Variants in MPPED1 observed in about 807,000 individuals in gnomAD.
The protein encoded by MPPED1 is metallophosphoesterase domain-containing protein 1.
A neutral mutation model predicts 36.2 loss-of-function variants in MPPED1; 16 were observed. That is an observed-to-expected ratio of 0.44 (90% CI 0.30 to 0.67). MPPED1 has a LOEUF of 0.67. Among genes scored for constraint, MPPED1 ranks in the 30% least tolerant of loss-of-function variants. The pLI, the probability that MPPED1 is intolerant of heterozygous loss-of-function variation, is 0.10. For synonymous variants in MPPED1, 199 were observed against 191.3 expected, an observed-to-expected ratio of 1.04 and a Z score of -0.33; for missense variants, 307 against 453.4, an observed-to-expected ratio of 0.68 and a Z score of 2.93.
chr22:43,487,268 C>T (rs1026658384), intron 4 of MPPED1, among the ~76,000 whole-genome samples: 5 of 151,958 alleles, frequency 3.3e-5, no homozygotes, highest in South Asian at 2.1e-4. Flanking sequence ...AAATACGGGT[C>T]GTGGATGATG....
At chr22:43,454,407 C>G (rs1247239384) in intron 3 of MPPED1, among the ~76,000 whole-genome samples, 5 of 152,132 alleles carry the variant, frequency 3.3e-5, no homozygotes, top group Admixed American at 1.3e-4. Flanking sequence ...TGAGCTCAAG[C>G]AATCCTCCCA....
chr22:43,473,495 G>T (rs973803591), intron 3 of MPPED1, among the ~76,000 whole-genome samples: 3 of 152,194 alleles, frequency 2.0e-5, no homozygotes, highest in Non-Finnish European at 4.4e-5. Flanking sequence ...TTTGCTACTT[G>T]CCTGACCCTC....
At chr22:43,460,033 C>A (rs540690835) in intron 3 of MPPED1, among the ~76,000 whole-genome samples, 1 of 151,808 alleles carries the variant, frequency 6.6e-6, no homozygotes, top group African/African-American at 2.4e-5. Context: ...ATGGTGAAAC[C>A]CCGTCTCTAC....
chr22:43,478,257 C>T (rs1055059808), intron 4 of MPPED1, among the ~76,000 whole-genome samples: 1 of 152,142 alleles, frequency 6.6e-6, no homozygotes, highest in African/African-American at 2.4e-5. Context: ...TGCATATGGG[C>T]CTTTTTGGCC....
intron 4 of MPPED1, among the ~76,000 whole-genome samples, chr22:43,495,773 GAGA>G (rs1439679217): frequency 2.9e-5 from 1 of 34,088 alleles, no homozygotes; most frequent in Non-Finnish European, 4.6e-5. Flanking sequence ...GGTGGTGGTG[GAGA>G]TGGTGGTGGT....
intron 4 of MPPED1, among the ~76,000 whole-genome samples, chr22:43,488,735 C>A (rs1276805883): frequency 6.6e-6 from 1 of 152,252 alleles, no homozygotes; most frequent in Non-Finnish European, 1.5e-5. Flanking sequence ...AACTATCATT[C>A]TGTAAGAAAA....
intron 6 of MPPED1, among the ~76,000 whole-genome samples, chr22:43,504,628 GTGA>G (rs767556696): frequency 4.0e-5 from 6 of 151,870 alleles, no homozygotes; most frequent in South Asian, 2.1e-4. Flanking sequence ...GATGGCACTA[GTGA>G]TGGTGGTGGT....
At chr22:43,417,526 A>G (rs1929118130) in intron 1 of MPPED1, 1 of 152,068 alleles carries the variant, frequency 6.6e-6, no homozygotes, top group Non-Finnish European at 1.5e-5. Flanking sequence ...AGGCAAAACA[A>G]GGAAAGAAAA....
intron 3 of MPPED1, among the ~76,000 whole-genome samples, chr22:43,438,188 G>A (rs540014061): frequency 1.3e-5 from 2 of 152,144 alleles, no homozygotes; most frequent in South Asian, 4.1e-4. Context: ...ATTAGAGAGA[G>A]CTATGGGGTC....
chr22:43,460,668 T>G (rs911340800), intron 3 of MPPED1, among the ~76,000 whole-genome samples: 7 of 152,184 alleles, frequency 4.6e-5, no homozygotes. Flanking sequence ...TGTGAGCTGA[T>G]GACTGGTCAG....
intron 2 of MPPED1, among the ~76,000 whole-genome samples, chr22:43,433,838 G>GCAT (rs1929855770): frequency 6.6e-6 from 1 of 152,170 alleles, no homozygotes; most frequent in African/African-American, 2.4e-5. Flanking sequence ...TTGGTTTGCC[G>GCAT]CATAATTAGA....
At chr22:43,443,785 C>G (rs1326605306) in intron 3 of MPPED1, among the ~76,000 whole-genome samples, 1 of 151,928 alleles carries the variant, frequency 6.6e-6, no homozygotes, top group African/African-American at 2.4e-5. Context: ...CATTTCCAGA[C>G]ACACATTGTT....
At chr22:43,459,816 A>G (rs535091022) in intron 3 of MPPED1, among the ~76,000 whole-genome samples, 1 of 152,234 alleles carries the variant, frequency 6.6e-6, no homozygotes, top group African/African-American at 2.4e-5. Flanking sequence ...TATATCCACC[A>G]TCTGGGTTTC....
At chr22:43,437,168 C>T (rs1213479478) in intron 3 of MPPED1, among the ~76,000 whole-genome samples, 2 of 152,162 alleles carry the variant, frequency 1.3e-5, no homozygotes, top group Admixed American at 6.5e-5. Flanking sequence ...ACCCACTGCA[C>T]AAAGCGAGAC....
At chr22:43,446,544 G>A (rs553586345) in intron 3 of MPPED1, among the ~76,000 whole-genome samples, 3 of 152,292 alleles carry the variant, frequency 2.0e-5, no homozygotes, top group African/African-American at 4.8e-5. Context: ...GGGTGTTGAC[G>A]GCACATGGGA....
intron 3 of MPPED1, among the ~76,000 whole-genome samples, chr22:43,455,388 G>A (rs1930720280): frequency 6.6e-6 from 1 of 152,108 alleles, no homozygotes. Context: ...GGGATTACAG[G>A]CGTGAGCCAC....
At position 43,502,564 on chromosome 22, in the gene MPPED1, C is replaced by G. The variant is rs920250212; in HGVS notation, c.749-80C>G. The G allele has an allele frequency of 5.3e-6, 6 of 1,132,766 alleles. No homozygotes were observed. Among genetic ancestry groups the G allele is most frequent in the South Asian group, 5.0e-5 (4 of 79,824 alleles). The allele number at this position is 1,132,766 out of a possible 1,614,324, so 70.2% of individuals were successfully genotyped here. On this transcript the variant is annotated intron_variant, in intron 5 of 6. Transcript: ENST00000443721. This position sits in a 1 kb window ranked among gnomAD's most constrained non-coding sequence, Gnocchi z 5.5. ...GAAGCCCCATGCCTTCTCCAGGCTG[C>G]AGAAGCTGCTGCTAGGCGTGGGGCA...
At chr22:43,471,920 T>A (rs1931391102) in intron 3 of MPPED1, among the ~76,000 whole-genome samples, 1 of 152,140 alleles carries the variant, frequency 6.6e-6, no homozygotes, top group Non-Finnish European at 1.5e-5. Context: ...GCTTGTAGAA[T>A]CTCATCCCAG....
At chr22:43,504,956 ATGG>A (rs1007234414) in intron 6 of MPPED1, among the ~76,000 whole-genome samples, 21 of 125,132 alleles carry the variant, frequency 1.7e-4, no homozygotes, top group East Asian at 1.1e-3. Flanking sequence ...GGTGATGGCG[ATGG>A]TGGTGGTGAT....
Sources: allele counts gnomAD v4.1 joint callset (sites outside exome capture counted in the v4.1 genomes callset), GRCh38; gene constraint gnomAD v4.1.1; non-coding constraint Gnocchi (gnomAD v3.1); transcripts MANE v1.5; gene names NCBI Gene and HGNC (gene_info 2026-07-23, HGNC 2026-07-21).